CEP112: variants seen among roughly 807,000 people sequenced by gnomAD.
The protein encoded by CEP112 is centrosomal protein of 112 kDa.
CEP112 carries 127 observed loss-of-function variants against 153.0 expected under a neutral mutation model. That is an observed-to-expected ratio of 0.83 (90% CI 0.72 to 0.96). The LOEUF (loss-of-function observed/expected upper bound fraction) is 0.96. CEP112 is among the 40% of genes least tolerant of loss of function. The probability of loss-of-function intolerance (pLI) is 0.00; values close to 1 mark genes in which losing one functional copy is unlikely to be tolerated. For missense variants in CEP112, 1,089 were observed against 1,101.2 expected (o/e 0.99, Z 0.16); for synonymous variants, 358 against 374.4 (o/e 0.96, Z 0.51).
chr17:66,050,727 G>C (rs563100316), intron 12 of CEP112, among the ~76,000 whole-genome samples: 1 of 152,142 alleles, frequency 6.6e-6, no homozygotes, highest in Non-Finnish European at 1.5e-5. Context: ...CCCTCTTCCA[G>C]AGATGCCTGG....
intron 21 of CEP112, among the ~76,000 whole-genome samples, chr17:65,770,181 G>C (rs1246863959): frequency 6.6e-6 from 1 of 150,732 alleles, no homozygotes; most frequent in African/African-American, 2.4e-5. Context: ...GATAAATACA[G>C]AGAAAACCAT....
chr17:65,749,647 C>T (rs984734481), intron 22 of CEP112, among the ~76,000 whole-genome samples: 2 of 148,046 alleles, frequency 1.4e-5, no homozygotes, highest in Non-Finnish European at 1.5e-5. Context: ...CTTGTGTGAT[C>T]TTATCTCTCT....
At chr17:65,896,562 T>C (rs2059665616) in intron 20 of CEP112, among the ~76,000 whole-genome samples, 1 of 152,076 alleles carries the variant, frequency 6.6e-6, no homozygotes, top group Non-Finnish European at 1.5e-5. Flanking sequence ...TGCAAATTTA[T>C]TATTAAATTC....
rs868202219 is a variant in CEP112, at chr17:65,711,176, G to T, written c.2608-21958C>A. Among the ~76,000 whole-genome samples the T allele has an allele frequency of 4.6e-5, 7 of 152,264 alleles. No homozygotes were observed. The South Asian group carries it at 6.2e-4, about 14-fold the overall frequency. On this transcript the variant is annotated intron_variant, in intron 23 of 26. Coordinates refer to ENST00000535342, the MANE Select transcript of CEP112 (RefSeq NM_001199165.4). ...TCATCTCCCAGCACTAAATTCAACT[G>T]TCATACGATCAATTGAGTTTCTAGT...
At chr17:66,124,380 A>C (rs562401682) in intron 6 of CEP112, among the ~76,000 whole-genome samples, 16 of 152,316 alleles carry the variant, frequency 1.1e-4, no homozygotes, top group African/African-American at 3.9e-4. Context: ...TCTCAGAGGA[A>C]AGTATAATAG....
intron 6 of CEP112, among the ~76,000 whole-genome samples, chr17:66,117,402 T>A (rs2069350308): frequency 6.6e-6 from 1 of 151,690 alleles, no homozygotes; most frequent in Non-Finnish European, 1.5e-5. Flanking sequence ...AAACAATAAA[T>A]AAAGCACAAG....
At chr17:66,078,532 A>C (rs911885017) in intron 8 of CEP112, among the ~76,000 whole-genome samples, 1 of 152,126 alleles carries the variant, frequency 6.6e-6, no homozygotes, top group East Asian at 1.9e-4. Flanking sequence ...CTGGGATTAC[A>C]GGCGTGAGCC....
intron 21 of CEP112, among the ~76,000 whole-genome samples, chr17:65,772,701 T>C (rs1203949911): frequency 1.3e-5 from 2 of 152,022 alleles, no homozygotes; most frequent in Non-Finnish European, 2.9e-5. Context: ...TTCTCCGGGT[T>C]AGGCACTGTA....
chr17:65,836,112 G>C (rs1340125852), intron 21 of CEP112, among the ~76,000 whole-genome samples: 6 of 148,740 alleles, frequency 4.0e-5, no homozygotes, highest in Non-Finnish European at 8.8e-5. Flanking sequence ...ACAAAGCAAA[G>C]TAAATACACT....
chr17:65,937,098 A>G (rs192273615), intron 18 of CEP112, among the ~76,000 whole-genome samples: 64,567 of 140,558 alleles, frequency 0.46, 16,064 homozygotes, highest in East Asian at 0.89. Flanking sequence ...GATTGCAGAC[A>G]GAGTCTCGTT....
At chr17:65,690,113 CAAAAAAAAAAAAAA>C (rs67399289) in intron 23 of CEP112, among the ~76,000 whole-genome samples, 8 of 62,584 alleles carry the variant, frequency 1.3e-4, no homozygotes, top group African/African-American at 4.9e-4. Context: ...GAAAACAGAC[CAAAAAAAAAAAAAA>C]AAAAAAAAAA....
chr17:66,087,238 T>C (rs2067973160), intron 8 of CEP112, among the ~76,000 whole-genome samples: 1 of 152,206 alleles, frequency 6.6e-6, no homozygotes, highest in Admixed American at 6.5e-5. Context: ...AAATGTTTTT[T>C]CTTTGAAAAC....
At chr17:66,025,614 C>T (rs1174424163) in intron 16 of CEP112, among the ~76,000 whole-genome samples, 2 of 152,034 alleles carry the variant, frequency 1.3e-5, no homozygotes, top group Non-Finnish European at 2.9e-5. Context: ...TCATCTTATT[C>T]TAGTCAGAAT....
At chr17:65,937,412 A>G (rs1431584089) in intron 18 of CEP112, among the ~76,000 whole-genome samples, 179 of 98,514 alleles carry the variant, frequency 1.8e-3, no homozygotes, top group Middle Eastern at 5.5e-3. Flanking sequence ...AGATGTGGGG[A>G]GCGCCTCTGC....
At chr17:66,029,325 C>T (rs200633365) in intron 13 of CEP112, 73 bp from the exon 14 acceptor site, 1 of 720,658 alleles carries the variant, frequency 1.4e-6, no homozygotes, top group African/African-American at 1.8e-5. Context: ...TTTTAATCAG[C>T]TAAATCCAAA....
intron 18 of CEP112, among the ~76,000 whole-genome samples, chr17:65,956,369 C>T (rs1055915071): frequency 8.7e-5 from 13 of 148,576 alleles, no homozygotes; most frequent in Non-Finnish European, 1.2e-4. Flanking sequence ...CGTAAGTCAA[C>T]GAGTGGATAA....
intron 17 of CEP112, among the ~76,000 whole-genome samples, chr17:65,971,872 A>C (rs1266093547): frequency 6.6e-6 from 1 of 152,198 alleles, no homozygotes; most frequent in African/African-American, 2.4e-5. Context: ...TATCAACAGG[A>C]AACAAATGCT....
chr17:65,803,654 C>G (rs2055414781), intron 21 of CEP112, among the ~76,000 whole-genome samples: 1 of 152,128 alleles, frequency 6.6e-6, no homozygotes, highest in South Asian at 2.1e-4. Flanking sequence ...AAAGGTAAAA[C>G]CCCTGTTCTT....
chr17:66,048,141 G>C (rs1399407151), intron 12 of CEP112, among the ~76,000 whole-genome samples: 6 of 151,330 alleles, frequency 4.0e-5, no homozygotes, highest in African/African-American at 1.5e-4. Flanking sequence ...TGTGTGGTTG[G>C]TTGAATCACA....
Sources: allele counts gnomAD v4.1 joint callset (sites outside exome capture counted in the v4.1 genomes callset), GRCh38; gene constraint gnomAD v4.1.1; transcripts MANE v1.5; gene names NCBI Gene and HGNC (gene_info 2026-07-23, HGNC 2026-07-21).